ATG5: variants seen among roughly 807,000 people sequenced by gnomAD.
ATG5 encodes autophagy related 5.
Under a neutral mutation model 36.5 loss-of-function variants are expected in ATG5, and 14 were observed. That is an observed-to-expected ratio of 0.38 (90% CI 0.25 to 0.60). The LOEUF is 0.60. ATG5 is among the 20% of genes least tolerant of loss of function. The pLI is 0.60. For missense variants in ATG5, 195 were observed against 326.7 expected (o/e 0.60, Z 3.11); for synonymous variants, 95 against 101.5 (o/e 0.94, Z 0.38).
rs987539191 is a variant in ATG5 at position 106,325,722 on chromosome 6, T to G, written c.-255A>C. The G allele has an allele frequency of 6.5e-6, 1 of 152,770 alleles. No homozygotes were observed. The highest frequency in any genetic ancestry group is 2.4e-5 in the African/African-American group (1 of 41,430). The allele number at this position is 152,770 out of a possible 1,614,324, so 9.5% of individuals were successfully genotyped here. On this transcript the variant is annotated 5_prime_UTR_variant, in exon 1 of 8. Coordinates refer to ENST00000369076, the MANE Select transcript of ATG5 (RefSeq NM_004849.4). ...GGTCGGAGCTGAACCCTGCTGCACTTCCGCCCTCTGGTATCCAGCGAATAC... is the reference window on the plus strand; with the variant it reads ...GGTCGGAGCTGAACCCTGCTGCACTGCCGCCCTCTGGTATCCAGCGAATAC...
intron 6 of ATG5, among the ~76,000 whole-genome samples, chr6:106,232,941 C>T (rs141524533): frequency 3.2e-4 from 49 of 152,320 alleles, no homozygotes; most frequent in African/African-American, 1.1e-3. Context: ...CTCACCTGGA[C>T]TGTTTCACCC....
At chr6:106,213,250 G>C (rs1243738773) in intron 6 of ATG5, among the ~76,000 whole-genome samples, 1 of 152,132 alleles carries the variant, frequency 6.6e-6, no homozygotes, top group Non-Finnish European at 1.5e-5. Context: ...CTGTAATACA[G>C]TGTTATGTGA....
At chr6:106,250,280 C>T (rs1778521245) in intron 5 of ATG5, among the ~76,000 whole-genome samples, 1 of 151,814 alleles carries the variant, frequency 6.6e-6, no homozygotes, top group Admixed American at 6.6e-5. Context: ...TTCTTACACC[C>T]CTGTCCTAAA....
At chr6:106,274,266 T>C (rs1324253523) in intron 5 of ATG5, among the ~76,000 whole-genome samples, 1 of 152,210 alleles carries the variant, frequency 6.6e-6, no homozygotes, top group African/African-American at 2.4e-5. Flanking sequence ...AAAATGCTAC[T>C]TTCTTTTATT....
intron 5 of ATG5, among the ~76,000 whole-genome samples, chr6:106,264,844 C>T (rs1239565954): frequency 6.6e-6 from 1 of 151,980 alleles, no homozygotes; most frequent in African/African-American, 2.4e-5. Flanking sequence ...CTGAAGGAAG[C>T]ACTACATATA....
rs533891487 is a variant in ATG5, at chr6:106,262,466, A to T, written c.479-14222T>A. ...AAAGGTGGTAAGAAGCTAACAGACA[A>T]AACAAAAAAGGATTAGAAAAGTAAG... On this transcript the variant is annotated intron_variant, in intron 5 of 7. Coordinates refer to ENST00000369076, the MANE Select transcript of ATG5 (RefSeq NM_004849.4). Among the ~76,000 whole-genome samples, 33 of 152,306 alleles carry T rather than the reference A, an allele frequency of 2.2e-4. No individual in the cohort carries two copies. The South Asian group carries it at 6.8e-3, about 32-fold the overall frequency.
chr6:106,276,561 T>C (rs1219911565), intron 5 of ATG5, among the ~76,000 whole-genome samples: 1 of 152,088 alleles, frequency 6.6e-6, no homozygotes, highest in African/African-American at 2.4e-5. Flanking sequence ...GTTGTTCTTC[T>C]AACACTTAAT....
intron 7 of ATG5, among the ~76,000 whole-genome samples, chr6:106,195,782 G>C (rs1776152776): frequency 6.8e-6 from 1 of 147,476 alleles, no homozygotes; most frequent in Non-Finnish European, 1.5e-5. Context: ...TAGGTTGTGT[G>C]GCTGCGCTGC....
intron 6 of ATG5, among the ~76,000 whole-genome samples, chr6:106,230,136 T>C (rs926596025): frequency 5.3e-5 from 8 of 152,216 alleles, no homozygotes; most frequent in African/African-American, 2.4e-5. Flanking sequence ...CAGTAATTGA[T>C]AGGGAGACTC....
chr6:106,203,350 A>C (rs1330796580), intron 6 of ATG5, among the ~76,000 whole-genome samples: 1 of 152,202 alleles, frequency 6.6e-6, no homozygotes, highest in Non-Finnish European at 1.5e-5. Context: ...ACTGTTTGCA[A>C]GATCTATGAT....
At chr6:106,223,063 T>C (rs1289587455) in intron 6 of ATG5, among the ~76,000 whole-genome samples, 1 of 152,192 alleles carries the variant, frequency 6.6e-6, no homozygotes, top group East Asian at 1.9e-4. Context: ...CTTTAGTAGT[T>C]TGGGATAACA....
chr6:106,287,114 G>A (rs1233053290), intron 4 of ATG5, among the ~76,000 whole-genome samples: 1 of 152,268 alleles, frequency 6.6e-6, no homozygotes, highest in East Asian at 1.9e-4. Context: ...TTTATAGCTG[G>A]GAAGTGCAGG....
chr6:106,223,864 G>A (rs1224731834), intron 6 of ATG5, among the ~76,000 whole-genome samples: 1 of 152,196 alleles, frequency 6.6e-6, no homozygotes, highest in Non-Finnish European at 1.5e-5. Context: ...CAAACAATAA[G>A]CTAAACAATG....
intron 7 of ATG5, among the ~76,000 whole-genome samples, chr6:106,190,111 A>G (rs1217587921): frequency 1.3e-5 from 2 of 152,226 alleles, no homozygotes; most frequent in Non-Finnish European, 2.9e-5. Flanking sequence ...AAATTTATCA[A>G]CTATCCCAAT....
chr6:106,239,808 T>A (rs1778044367), intron 6 of ATG5, among the ~76,000 whole-genome samples: 1 of 152,228 alleles, frequency 6.6e-6, no homozygotes, highest in South Asian at 2.1e-4. Context: ...AAGCCTATCA[T>A]TTGCAAATTG....
chr6:106,217,969 A>AAT (rs1290073035), intron 6 of ATG5, among the ~76,000 whole-genome samples: 2 of 152,218 alleles, frequency 1.3e-5, no homozygotes, highest in African/African-American at 4.8e-5. Context: ...TAAACATTTT[A>AAT]ATATATAGCA....
In ATG5 at chr6:106,293,016, A is replaced by C. The variant is rs1022200283; in HGVS notation, c.315+12T>G. The C allele has an allele frequency of 2.5e-6, 4 of 1,604,012 alleles. No homozygotes were observed. The highest frequency in any genetic ancestry group is 2.6e-6 in the Non-Finnish European group (3 of 1,173,922). On this transcript the variant is annotated intron_variant, in intron 4 of 7. Coordinates refer to ENST00000369076, the MANE Select transcript of ATG5 (RefSeq NM_004849.4). ...CACAAATGGGACGAAGGAGAAATGC[A>C]ATTTACTATACCTTAAAATGTACTG...
intron 6 of ATG5, among the ~76,000 whole-genome samples, chr6:106,223,338 T>A (rs1777323100): frequency 6.6e-6 from 1 of 152,164 alleles, no homozygotes; most frequent in African/African-American, 2.4e-5. Context: ...TTTAAACTAT[T>A]CCAATAAAGC....
chr6:106,208,957 T>C (rs902155607), intron 6 of ATG5, among the ~76,000 whole-genome samples: 2 of 152,106 alleles, frequency 1.3e-5, no homozygotes, highest in Non-Finnish European at 2.9e-5. Context: ...ATTAAAGAAA[T>C]GCAAATTAAA....
Sources: gnomAD v4.1 joint callset for allele counts (sites outside exome capture counted in the v4.1 genomes callset) on GRCh38, gnomAD v4.1.1 for gene constraint, MANE v1.5 for transcripts, NCBI Gene and HGNC (gene_info 2026-07-23, HGNC 2026-07-21) for gene names.